Variants in TNKS observed in about 807,000 individuals in gnomAD.
TNKS encodes tankyrase.
Under a neutral mutation model 135.8 loss-of-function variants are expected in TNKS, and 72 were observed. That is an observed-to-expected ratio of 0.53 (90% confidence interval 0.44 to 0.64). The LOEUF (loss-of-function observed/expected upper bound fraction) is 0.64. Ranked by LOEUF, TNKS falls within the 30% of genes least tolerant of loss-of-function variation. The probability of loss-of-function intolerance (pLI) is 0.00; values close to 1 mark genes in which losing one functional copy is unlikely to be tolerated. For missense variants in TNKS, 1,769 were observed against 1,674.0 expected (o/e 1.06, Z -0.99); for synonymous variants, 849 against 649.3 (o/e 1.31, Z -4.68).
intron 11 of TNKS, among the ~76,000 whole-genome samples, chr8:9,717,072 A>AAT (rs368231440): frequency 0.02 from 1,596 of 79,434 alleles, 83 homozygotes; most frequent in Middle Eastern, 0.04. Flanking sequence ...GTTGTATTAT[A>AAT]ATATATATAT....
chr8:9,564,763 T>A lies in TNKS; in HGVS notation c.673+8151T>A, dbSNP rs529536947. ...CCTAATACCATGCATCATTAATAGA[T>A]ACTTATAGTAAGAATTGAATAGGAT... On this transcript the variant is annotated intron_variant, in intron 1 of 26. Transcript: ENST00000310430. Among the ~76,000 whole-genome samples the A allele has an allele frequency of 3.3e-5, 5 of 152,362 alleles. No homozygotes were observed. In the East Asian group the frequency reaches 9.6e-4, roughly 29 times the overall value.
chr8:9,666,844 A>G (rs747647496), intron 3 of TNKS, among the ~76,000 whole-genome samples: 3 of 152,182 alleles, frequency 2.0e-5, no homozygotes, highest in Admixed American at 2.0e-4. Flanking sequence ...GTGGAGGTTC[A>G]TAATAATTGG....
At chr8:9,726,837 ATGGGCAGGAAAAATC>A in intron 13 of TNKS, 117 bp downstream of exon 13, 1 of 814,980 alleles carries the variant, frequency 1.2e-6, no homozygotes. Context: ...GAACAGAGTC[ATGGGCAGGAAAAATC>A]TGTACTACTA....
At position 9,602,125 on chromosome 8, in the gene TNKS, A is replaced by G. The variant is rs564606468; in HGVS notation, c.899-13457A>G. 3.3e-5 allele frequency among the ~76,000 whole-genome samples: 5 copies of G among 152,204 alleles called. No individual in the cohort carries two copies. The South Asian group carries it at 6.2e-4, about 19-fold the overall frequency. On this transcript the variant is annotated intron_variant, in intron 2 of 26. Coordinates refer to ENST00000310430, the MANE Select transcript of TNKS (RefSeq NM_003747.3). ...GGGTAGAGGTAAGGGGTGCTGTTAA[A>G]CATAACACACAGGACAGCTCCCCGC... is the stretch of plus-strand genomic sequence containing the variant.
chr8:9,659,786 A>G (rs958727784), intron 3 of TNKS, among the ~76,000 whole-genome samples: 3 of 152,242 alleles, frequency 2.0e-5, no homozygotes, highest in African/African-American at 7.2e-5. Context: ...AAAAAAATCA[A>G]TGAATCCAGG....
At chr8:9,682,356 C>T (rs1175330050) in intron 5 of TNKS, among the ~76,000 whole-genome samples, 3 of 152,134 alleles carry the variant, frequency 2.0e-5, no homozygotes, top group Non-Finnish European at 2.9e-5. Context: ...CTTTGACAGC[C>T]ACATTCCTAG....
chr8:9,641,481 A>G (rs543186626), intron 3 of TNKS, among the ~76,000 whole-genome samples: 2 of 145,504 alleles, frequency 1.4e-5, no homozygotes, highest in African/African-American at 2.5e-5. Flanking sequence ...ATAAGAGTCA[A>G]TAAAAATACT....
chr8:9,675,116 CT>C (rs1344343412), intron 3 of TNKS, among the ~76,000 whole-genome samples: 6 of 152,160 alleles, frequency 3.9e-5, no homozygotes, highest in Non-Finnish European at 8.8e-5. Flanking sequence ...AGAGGAAGAC[CT>C]AACTCTAATT....
intron 5 of TNKS, among the ~76,000 whole-genome samples, chr8:9,696,042 T>G (rs1271140155): frequency 6.6e-6 from 1 of 152,132 alleles, no homozygotes; most frequent in Non-Finnish European, 1.5e-5. Flanking sequence ...TATATGTCAT[T>G]TACTCCATAT....
At chr8:9,723,762 G>A (rs1399933160) in intron 12 of TNKS, among the ~76,000 whole-genome samples, 2 of 152,142 alleles carry the variant, frequency 1.3e-5, no homozygotes, top group African/African-American at 4.8e-5. Context: ...GTGGCTAATG[G>A]CTAGCATAAT....
intron 1 of TNKS, chr8:9,566,160 A>G (rs1797531607): frequency 6.6e-6 from 1 of 152,120 alleles, no homozygotes; most frequent in South Asian, 2.1e-4. Context: ...GAAATTTGGT[A>G]TTTTCAAAAG....
intron 11 of TNKS, among the ~76,000 whole-genome samples, chr8:9,713,855 G>A (rs1349978375): frequency 1.3e-5 from 2 of 152,022 alleles, no homozygotes; most frequent in African/African-American, 2.4e-5. Flanking sequence ...TTTTTCTTGC[G>A]TAGTATTTCT....
At chr8:9,634,277 A>T (rs2128773101) in intron 3 of TNKS, among the ~76,000 whole-genome samples, 1 of 152,210 alleles carries the variant, frequency 6.6e-6, no homozygotes, top group East Asian at 1.9e-4. Flanking sequence ...ATTAAAAAAT[A>T]AAATTAAATT....
chr8:9,717,098 TATA>T lies in TNKS; in HGVS notation c.1750-3275_1750-3273del, dbSNP rs1563187765. ...ATATATATATATATATATATATATA[TATA>T]TTTTCAGGGAATTTGATTGTTTCTT... On this transcript the variant is annotated intron_variant, in intron 11 of 26. Transcript: ENST00000310430. Among the ~76,000 whole-genome samples the T allele has an allele frequency of 4.2e-4, 56 of 132,412 alleles. 1 individual carries two copies. Among genetic ancestry groups the T allele is most frequent in the African/African-American group, 1.3e-3 (49 of 36,776 alleles). The allele number at this position is 132,412 out of a possible 152,430, so 86.9% of individuals were successfully genotyped here.
chr8:9,589,108 A>G (rs1216016727), intron 2 of TNKS, among the ~76,000 whole-genome samples: 1 of 152,196 alleles, frequency 6.6e-6, no homozygotes, highest in Non-Finnish European at 1.5e-5. Context: ...ACCTATTGAC[A>G]TGAGAAAAAA....
chr8:9,657,317 T>A lies in TNKS; in HGVS notation c.995-22634T>A, dbSNP rs1223707985. On this transcript the variant is annotated intron_variant, in intron 3 of 26. Coordinates refer to ENST00000310430, the MANE Select transcript of TNKS (RefSeq NM_003747.3). ...CGGGGGGCCGACCCCCCCACCTCCC[T>A]CCCAGACGGGGCGGCTGGCCGGGCA... Among the ~76,000 whole-genome samples, 3 of 58,282 alleles carry A rather than the reference T, an allele frequency of 5.1e-5. 1 individual carries two copies. The highest frequency in any genetic ancestry group is 1.9e-4 in the African/African-American group (3 of 16,056). 38.2% of individuals were successfully genotyped at this position (58,282 alleles called of 152,430 possible). A position where few individuals can be genotyped will look rare whatever the true frequency, so the allele number is the denominator to read the frequency against.
intron 3 of TNKS, among the ~76,000 whole-genome samples, chr8:9,652,226 G>A (rs1024336112): frequency 1.3e-5 from 2 of 152,174 alleles, no homozygotes; most frequent in Non-Finnish European, 2.9e-5. Flanking sequence ...TTCTTTTGGA[G>A]TGAGGTTCTT....
chr8:9,612,786 C>T (rs1799510232), intron 2 of TNKS, among the ~76,000 whole-genome samples: 1 of 152,140 alleles, frequency 6.6e-6, no homozygotes, highest in Non-Finnish European at 1.5e-5. Flanking sequence ...ATGTAACTTT[C>T]TCCCACAAAA....
chr8:9,573,419 A>T (rs575151048), intron 1 of TNKS, among the ~76,000 whole-genome samples: 20 of 152,212 alleles, frequency 1.3e-4, no homozygotes, highest in African/African-American at 4.3e-4. Flanking sequence ...CAGTTTGAAC[A>T]TTTGGCTGCC....
Sources: allele counts gnomAD v4.1 joint callset (sites outside exome capture counted in the v4.1 genomes callset), GRCh38; gene constraint gnomAD v4.1.1; transcripts MANE v1.5; gene names NCBI Gene and HGNC (gene_info 2026-07-23, HGNC 2026-07-21).